SGCD: variants seen among roughly 807,000 people sequenced by gnomAD.
SGCD encodes delta-sarcoglycan.
SGCD carries 18 observed loss-of-function variants against 36.6 expected under a neutral mutation model. That is an observed-to-expected ratio of 0.49 (90% CI 0.34 to 0.73). The LOEUF is 0.73. Among genes scored for constraint, SGCD ranks in the 30% least tolerant of loss-of-function variants. The pLI is 0.01. For missense variants in SGCD, 387 were observed against 346.7 expected (o/e 1.12, Z -0.92); for synonymous variants, 133 against 130.6 (o/e 1.02, Z -0.12).
rs886060321 is a variant in SGCD, at chr5:156,766,688, A to C, written c.*7298A>C. On this transcript the variant is annotated 3_prime_UTR_variant, in exon 9 of 9. Coordinates refer to ENST00000337851, the MANE Select transcript of SGCD (RefSeq NM_000337.6). ...TTCTTTGGAATGCTTTCATCTTCTA[A>C]GCAAAGGGATCAGGGTTTGATCTGT... The C allele has an allele frequency of 7.3e-5, 11 of 151,152 alleles. No homozygotes were observed. Among genetic ancestry groups the C allele is most frequent in the Non-Finnish European group, 1.5e-5 (1 of 67,882 alleles). The allele number at this position is 151,152 out of a possible 1,614,324, so 9.4% of individuals were successfully genotyped here.
rs531067478 is a variant in SGCD at position 156,422,754 on chromosome 5, A to G, written c.192+78077A>G. The stretch of plus-strand genomic sequence containing the variant: ...CAACATCTGTAACCTCTGTCCTGCT[A>G]GTTGCCAGTAGCAAACCCCCTACCC... On this transcript the variant is annotated intron_variant, in intron 3 of 8. Transcript: ENST00000337851. Among the ~76,000 whole-genome samples, 12 of 152,134 alleles carry G rather than the reference A, an allele frequency of 7.9e-5. No homozygotes were observed. The South Asian group carries it at 2.1e-3, about 26-fold the overall frequency.
chr5:156,243,199 A>G (rs1253024348), intron 3 of SGCD, among the ~76,000 whole-genome samples: 1 of 152,246 alleles, frequency 6.6e-6, no homozygotes, highest in Non-Finnish European at 1.5e-5. Context: ...GAAGAGGTCT[A>G]TGCTCAGGGC....
chr5:156,183,308 A>G (rs1763652819), intron 3 of SGCD, among the ~76,000 whole-genome samples: 1 of 152,202 alleles, frequency 6.6e-6, no homozygotes, highest in African/African-American at 2.4e-5. Context: ...AAGAAAAGCA[A>G]AAAGTTGAAA....
At chr5:155,736,494 CAT>C in the SGCD span, among the ~76,000 whole-genome samples, 1,940 of 152,282 alleles carry the variant, frequency 0.013, 52 homozygotes, top group African/African-American at 0.044. Flanking sequence ...TTTCCTATCT[CAT>C]AGGTTTCTTA....
At chr5:156,052,719 A>C (rs1167315697) in intron 1 of SGCD, among the ~76,000 whole-genome samples, 1 of 146,268 alleles carries the variant, frequency 6.8e-6, no homozygotes, top group Non-Finnish European at 1.5e-5. Context: ...GAGTAAAAAA[A>C]AAAGTGCCAT....
At chr5:155,952,178 C>G (rs1757561114) in intron 1 of SGCD, among the ~76,000 whole-genome samples, 1 of 152,130 alleles carries the variant, frequency 6.6e-6, no homozygotes, top group Non-Finnish European at 1.5e-5. Flanking sequence ...GGAGTTTCAT[C>G]TTTCAAAGAG....
chr5:155,924,180 A>T (rs370501150), intron 1 of SGCD, among the ~76,000 whole-genome samples: 1 of 152,324 alleles, frequency 6.6e-6, no homozygotes, highest in African/African-American at 2.4e-5. Context: ...AGAAATCCAG[A>T]ACAACTTTAC....
At chr5:156,108,891 A>G (rs988401869) in intron 1 of SGCD, among the ~76,000 whole-genome samples, 2 of 152,198 alleles carry the variant, frequency 1.3e-5, no homozygotes, top group East Asian at 3.8e-4. Flanking sequence ...ATACATAAAG[A>G]GTCCATAGAG....
Position 156,404,830 on chromosome 5 carries a change from A to G in SGCD, c.192+60153A>G, listed in dbSNP as rs377414057. On this transcript the variant is annotated intron_variant, in intron 3 of 8. Transcript: ENST00000337851. ...GGAAGATGTACATCATGGTAGACAGATATCTAAGATGGCGGTCAAGATCCT... is the reference window on the plus strand; with the variant it reads ...GGAAGATGTACATCATGGTAGACAGGTATCTAAGATGGCGGTCAAGATCCT... 1.6e-4 allele frequency among the ~76,000 whole-genome samples: 24 copies of G among 152,226 alleles called. 1 individual carries two copies. In the East Asian group the frequency reaches 4.2e-3, roughly 27 times the overall value.
At chr5:156,627,462 G>A (rs1446577428) in intron 6 of SGCD, among the ~76,000 whole-genome samples, 1 of 152,108 alleles carries the variant, frequency 6.6e-6, no homozygotes, top group Non-Finnish European at 1.5e-5. Context: ...TATAAAATGG[G>A]CAGCTTCTAA....
At chr5:155,897,974 A>G (rs1756304868) in intron 1 of SGCD, among the ~76,000 whole-genome samples, 2 of 152,242 alleles carry the variant, frequency 1.3e-5, no homozygotes, top group Non-Finnish European at 2.9e-5. Context: ...AACATAATAC[A>G]TAGCAGATGC....
chr5:156,681,053 T>A (rs1003894804), intron 7 of SGCD, among the ~76,000 whole-genome samples: 16 of 152,064 alleles, frequency 1.1e-4, no homozygotes, highest in Non-Finnish European at 1.5e-5. Context: ...CCAAGCATGG[T>A]ATAGCCAAAG....
intron 4 of SGCD, among the ~76,000 whole-genome samples, chr5:156,566,259 TA>T (rs1036325163): frequency 2.6e-5 from 4 of 152,106 alleles, no homozygotes; most frequent in Admixed American, 6.6e-5. Flanking sequence ...TTCAATTTTT[TA>T]AAAAAACATG....
rs181822360 is a variant in SGCD at position 156,717,987 on chromosome 5, T to C, written c.576-39594T>C. 4.7e-4 allele frequency among the ~76,000 whole-genome samples: 72 copies of C among 152,266 alleles called. 1 individual carries two copies. Among genetic ancestry groups the C allele is most frequent in the Middle Eastern group, 6.8e-3 (2 of 294 alleles). Reference sequence around the variant, plus strand: ...TCTTCCATCCTGACAGTACTTTCTATGTCTGCTTGTTTTAACTGTAACCAA... The same window carrying C: ...TCTTCCATCCTGACAGTACTTTCTACGTCTGCTTGTTTTAACTGTAACCAA... On this transcript the variant is annotated intron_variant, in intron 7 of 8. Coordinates refer to ENST00000337851, the MANE Select transcript of SGCD (RefSeq NM_000337.6).
At chr5:156,467,023 G>A (rs1295373554) in intron 3 of SGCD, among the ~76,000 whole-genome samples, 2 of 152,142 alleles carry the variant, frequency 1.3e-5, no homozygotes, top group Non-Finnish European at 2.9e-5. Flanking sequence ...AGGGCCAGAC[G>A]GTATTTTAGG....
At chr5:155,728,210 C>T in the SGCD span, among the ~76,000 whole-genome samples, 2 of 152,118 alleles carry the variant, frequency 1.3e-5, no homozygotes, top group Non-Finnish European at 2.9e-5. Flanking sequence ...TCCCTCCCTC[C>T]AGCCCCGCCA....
Position 156,494,953 on chromosome 5 carries a change from C to T in SGCD, c.193-13648C>T, listed in dbSNP as rs1756117448. ...GTCTTAAGTATATCCTACCCTCTCT[C>T]TTCCTACTCTGCCTCATTCTTCTTT... is the stretch of plus-strand genomic sequence containing the variant. On this transcript the variant is annotated intron_variant, in intron 3 of 8. Transcript: ENST00000337851. Among the ~76,000 whole-genome samples the T allele has an allele frequency of 2.6e-5, 4 of 152,294 alleles. No homozygotes were observed. In the South Asian group the frequency reaches 8.3e-4, roughly 32 times the overall value.
intron 1 of SGCD, among the ~76,000 whole-genome samples, chr5:156,070,149 CA>C (rs1760496887): frequency 6.7e-6 from 1 of 148,964 alleles, no homozygotes; most frequent in African/African-American, 2.6e-5. Flanking sequence ...TTGCCCTGGC[CA>C]GAACTTCCAA....
intron 3 of SGCD, among the ~76,000 whole-genome samples, chr5:156,197,691 A>C (rs941642213): frequency 6.6e-6 from 1 of 151,970 alleles, no homozygotes; most frequent in African/African-American, 2.4e-5. Context: ...TCTTAATTAC[A>C]TGTGATTTTT....
Sources: gnomAD v4.1 joint callset for allele counts (sites outside exome capture counted in the v4.1 genomes callset) on GRCh38, gnomAD v4.1.1 for gene constraint, MANE v1.5 for transcripts, NCBI Gene and HGNC (gene_info 2026-07-23, HGNC 2026-07-21) for gene names.